Variants in KLK7 observed in about 807,000 individuals in gnomAD.
The protein encoded by KLK7 is kallikrein-7.
A neutral mutation model predicts 21.0 loss-of-function variants in KLK7; 17 were observed. The ratio of observed to expected loss-of-function variants is 0.81; its 90% CI spans 0.55 to 1.21. KLK7 has a LOEUF of 1.21. Ranked by LOEUF, KLK7 falls within the 50% of genes most tolerant of loss-of-function variation. The pLI, the probability that KLK7 is intolerant of heterozygous loss-of-function variation, is 0.00. For synonymous variants in KLK7, 151 were observed against 134.6 expected, an observed-to-expected ratio of 1.12 and a Z score of -0.85; for missense variants, 330 against 322.8, an observed-to-expected ratio of 1.02 and a Z score of -0.17.
chr19:50,979,775 G>A lies in KLK7; in HGVS notation c.606+13C>T. 6.4e-7 allele frequency: 1 copy of A among 1,563,612 alleles called. No individual in the cohort carries two copies. Among genetic ancestry groups the A allele is most frequent in the Non-Finnish European group, 8.7e-7 (1 of 1,153,078 alleles). On this transcript the variant is annotated intron_variant, in intron 5 of 5. Coordinates refer to ENST00000595820, the MANE Select transcript of KLK7 (RefSeq NM_005046.4). ...ACCCAGGACTGGGGAGGAATTGGGG[G>A]GGAGGGTCTCACATTGCAGGCGTTT... is the stretch of plus-strand genomic sequence containing the variant.
At position 50,977,554 on chromosome 19, in the gene KLK7, G is replaced by A; in HGVS notation, c.744C>T (p.Thr248=). 2 of 1,613,758 alleles carry A rather than the reference G, an allele frequency of 1.2e-6. No homozygotes were observed. Among genetic ancestry groups the A allele is most frequent in the Non-Finnish European group, 1.7e-6 (2 of 1,179,862 alleles). Residue 248 remains threonine, a synonymous_variant, in exon 6 of 6, where the codon ACC becomes ACT. Coordinates refer to ENST00000595820, the MANE Select transcript of KLK7 (RefSeq NM_005046.4). ...VCKFTKWIND[T]MKKHR ...TGTGGCGTTAGCGATGCTTTTTCAT[G>A]GTGTCATTTATCCACTTGGTGAACT...
Position 50,979,812 on chromosome 19 carries a change from G to A in KLK7, c.582C>T (p.Pro194=), listed in dbSNP as rs752621685. ...LENSMLCAGI[P]DSKKNACNGD... ...CATTGCAGGCGTTTTTCTTGGAGTC[G>A]GGGATGCCAGCGCACAGCATGGAAT... Residue 194 remains proline (P), a synonymous_variant, in exon 5 of 6, where the codon CCC becomes CCT. Transcript: ENST00000595820. 61 of 1,574,192 alleles carry A rather than the reference G, an allele frequency of 3.9e-5. No individual in the cohort carries two copies. The African/African-American group carries it at 4.2e-4, about 11-fold the overall frequency.
chr19:50,978,087 T>TA (rs2091050173), intron 5 of KLK7, among the ~76,000 whole-genome samples: 1 of 152,226 alleles, frequency 6.6e-6, no homozygotes, highest in Non-Finnish European at 1.5e-5. Context: ...ACCAGTTACA[T>TA]AATTTACAGG....
intron 2 of KLK7, 139 bp from the exon 3 acceptor site, chr19:50,982,053 G>A (rs2091093620): frequency 2.0e-6 from 2 of 1,004,756 alleles, no homozygotes; most frequent in Non-Finnish European, 2.9e-6. Context: ...CAAGAGATAG[G>A]GATAGAGACA....
In KLK7 at chr19:50,982,327, C is replaced by G; in HGVS notation, c.73G>C (p.Ala25Pro). Residue 25 changes from alanine (A) to proline (P), a missense_variant and splice_region_variant, in exon 2 of 6, where the codon GCC (alanine) becomes CCC (proline). By Grantham distance (27) the Ala-to-Pro change is conservative. Coordinates refer to ENST00000595820, the MANE Select transcript of KLK7 (RefSeq NM_005046.4). The stretch of plus-strand genomic sequence containing the variant: ...TCAGACTTCCCAGTCCAGCTTTCAC[C>G]TTCTTCTCCTGCAGTTTCCAAGGCT... ...SLALETAGEE[A>P]QGDKIIDGAP... The G allele has an allele frequency of 6.2e-7, 1 of 1,609,428 alleles. No individual in the cohort carries two copies. The highest frequency in any genetic ancestry group is 8.5e-7 in the Non-Finnish European group (1 of 1,178,082).
chr19:50,979,977 C>T (rs953835798), intron 4 of KLK7, 53 bp from the exon 5 acceptor site: 14 of 1,554,812 alleles, frequency 9.0e-6, no homozygotes, highest in South Asian at 1.2e-5. Flanking sequence ...GGGCGAGGAC[C>T]AGAAGGGCTG....
At chr19:50,978,024 T>C (rs566024197) in intron 5 of KLK7, among the ~76,000 whole-genome samples, 2 of 152,252 alleles carry the variant, frequency 1.3e-5, no homozygotes, top group Admixed American at 6.5e-5. Flanking sequence ...GGTGGATGCG[T>C]GCCCTGTGGC....
chr19:50,982,586 G>GA (rs746237432), intron 1 of KLK7, 129 bp from the exon 2 acceptor site: 3 of 545,730 alleles, frequency 5.5e-6, no homozygotes, highest in Non-Finnish European at 8.6e-6. Context: ...CAGGGGTCCA[G>GA]GCCCCAGCCC....
At chr19:50,981,438 A>AG (rs143342730) in intron 3 of KLK7, among the ~76,000 whole-genome samples, 1 of 22,678 alleles carries the variant, frequency 4.4e-5, no homozygotes, top group Non-Finnish European at 1.1e-4. Flanking sequence ...CCAGAGAGAG[A>AG]GGGGGACAGA....
intron 2 of KLK7, 183 bp from the exon 3 acceptor site, chr19:50,982,097 G>A (rs1037497768): frequency 1.8e-5 from 15 of 821,070 alleles, no homozygotes; most frequent in Middle Eastern, 3.5e-4. Flanking sequence ...CCCAGGAGGC[G>A]CATCTCATCT....
In KLK7 at chr19:50,977,269, T is replaced by C; in HGVS notation, c.*267A>G. The C allele has an allele frequency of 2.5e-6, 1 of 392,400 alleles. No homozygotes were observed. The highest frequency in any genetic ancestry group is 4.1e-5 in the Admixed American group (1 of 24,160). The allele number at this position is 392,400 out of a possible 1,614,324, so 24.3% of individuals were successfully genotyped here. A position where few individuals can be genotyped will look rare whatever the true frequency, so the allele number is the denominator to read the frequency against. On this transcript the variant is annotated 3_prime_UTR_variant, in exon 6 of 6. Coordinates refer to ENST00000595820, the MANE Select transcript of KLK7 (RefSeq NM_005046.4). Reference sequence around the variant, plus strand: ...TCTCGGTGTACGTTGACCAAGTGTCTTCCGTAAAGACTGTACGAACGTCCA... The same window carrying C: ...TCTCGGTGTACGTTGACCAAGTGTCCTCCGTAAAGACTGTACGAACGTCCA...
Position 50,981,914 on chromosome 19 carries a change from G to A in KLK7, c.74C>T (p.Ala25Val). The A allele has an allele frequency of 3.7e-6, 6 of 1,612,722 alleles. No individual in the cohort carries two copies. The highest frequency in any genetic ancestry group is 1.1e-5 in the South Asian group (1 of 90,512). The change falls in exon 3 of 6, where the codon GCC (alanine) becomes GTC (valine). Residue 25 changes from alanine to valine, a missense_variant and splice_region_variant. Coordinates refer to ENST00000595820, the MANE Select transcript of KLK7 (RefSeq NM_005046.4). Reference sequence around the variant, plus strand: ...GCCATCAATAATCTTGTCACCCTGGGCTGGATGGAGACATGGAGGAGCACG... The same window carrying A: ...GCCATCAATAATCTTGTCACCCTGGACTGGATGGAGACATGGAGGAGCACG... ...SLALETAGEE[A>V]QGDKIIDGAP... is the part of the protein sequence containing the mutation.
chr19:50,977,675 G>C lies in KLK7; in HGVS notation c.623C>G (p.Pro208Arg). 6.2e-7 allele frequency: 1 copy of C among 1,613,256 alleles called. No homozygotes were observed. Among genetic ancestry groups the C allele is most frequent in the South Asian group, 1.1e-5 (1 of 91,046 alleles). The change falls in exon 6 of 6, where the codon CCG (proline) becomes CGG (arginine). Residue 208 changes from proline (P) to arginine (R), a missense_variant. Transcript: ENST00000595820. Reference protein sequence around the residue: ...KNACNGDSGGPLVCRGTLQGL... With the variant: ...KNACNGDSGGRLVCRGTLQGL... ...TTGCAGGGTACCTCTGCACACCAACGGTCCCCCTGAGTCACCCTAGAGGGA... is the reference window on the plus strand; with the variant it reads ...TTGCAGGGTACCTCTGCACACCAACCGTCCCCCTGAGTCACCCTAGAGGGA...
chr19:50,979,574 A>G (rs2091060480), intron 5 of KLK7, among the ~76,000 whole-genome samples: 1 of 152,074 alleles, frequency 6.6e-6, no homozygotes. Context: ...CACCCCTATT[A>G]AACTCTCTGT....
At chr19:50,983,162 T>A in intron 1 of KLK7, among the ~76,000 whole-genome samples, 1 of 85,250 alleles carries the variant, frequency 1.2e-5, no homozygotes, top group African/African-American at 6.5e-5. Context: ...CCCTCAGACC[T>A]AGGAGTCCAG....
rs149466250 is a variant in KLK7, at chr19:50,980,422, G to A, written c.287C>T (p.Ser96Leu). 303 of 1,613,874 alleles carry A rather than the reference G, an allele frequency of 1.9e-4. No homozygotes were observed. The highest frequency in any genetic ancestry group is 4.9e-4 in the Middle Eastern group (3 of 6,082). The change falls in exon 4 of 6, where the codon TCG becomes TTG. Residue 96 changes from serine to leucine, a missense_variant. Coordinates refer to ENST00000595820, the MANE Select transcript of KLK7 (RefSeq NM_005046.4). ...GDRRAQRIKASKSFRHPGYST... is the reference protein window; with the variant it reads ...GDRRAQRIKALKSFRHPGYST... ...GTAGCCGGGGTGGCGGAATGACTTC[G>A]AGGCCTTGATCCTCTGAGCTCTCCT...
At chr19:50,981,738 C>G (rs1389050975) in intron 3 of KLK7, 29 bp downstream of exon 3, 6 of 1,542,758 alleles carry the variant, frequency 3.9e-6, no homozygotes, top group South Asian at 2.4e-5. Flanking sequence ...CGCTGGTGCA[C>G]CTCCAGCAGA....
intron 3 of KLK7, 85 bp downstream of exon 3, chr19:50,981,682 G>A (rs1045044401): frequency 2.0e-5 from 26 of 1,289,584 alleles, no homozygotes; most frequent in African/African-American, 1.3e-4. Context: ...GAATAGAGCC[G>A]TAGGCACAGA....
At position 50,979,777 on chromosome 19, in the gene KLK7, G is replaced by T; in HGVS notation, c.606+11C>A. 6.4e-7 allele frequency: 1 copy of T among 1,564,048 alleles called. No homozygotes were observed. The highest frequency in any genetic ancestry group is 8.7e-7 in the Non-Finnish European group (1 of 1,153,282). On this transcript the variant is annotated intron_variant, in intron 5 of 5. Coordinates refer to ENST00000595820, the MANE Select transcript of KLK7 (RefSeq NM_005046.4). The stretch of plus-strand genomic sequence containing the variant: ...CCAGGACTGGGGAGGAATTGGGGGG[G>T]AGGGTCTCACATTGCAGGCGTTTTT...
Sources: allele counts gnomAD v4.1 joint callset (sites outside exome capture counted in the v4.1 genomes callset), GRCh38; gene constraint gnomAD v4.1.1; transcripts MANE v1.5; gene names NCBI Gene and HGNC (gene_info 2026-07-23, HGNC 2026-07-21).